Variants in CLHC1 observed in about 807,000 individuals in gnomAD.
The protein encoded by CLHC1 is clathrin heavy chain linker domain containing 1.
In CLHC1, 72 loss-of-function variants were observed where a neutral mutation model predicts 69.5. That is an observed-to-expected ratio of 1.04 (90% confidence interval 0.86 to 1.26). CLHC1 has a LOEUF of 1.26. Ranked by LOEUF, CLHC1 falls within the 50% of genes most tolerant of loss-of-function variation. The pLI, the probability that CLHC1 is intolerant of heterozygous loss-of-function variation, is 0.00. For missense variants in CLHC1, 790 were observed against 679.3 expected (o/e 1.16, Z -1.81); for synonymous variants, 223 against 224.3 (o/e 0.99, Z 0.05).
chr2:55,231,208 C>T (rs1244397066), intron 1 of CLHC1, among the ~76,000 whole-genome samples: 1 of 151,426 alleles, frequency 6.6e-6, no homozygotes, highest in African/African-American at 2.4e-5. Context: ...CGAGACCGCG[C>T]CACTGCACTC....
At chr2:55,231,392 T>C (rs1225284068) in intron 1 of CLHC1, among the ~76,000 whole-genome samples, 2 of 152,156 alleles carry the variant, frequency 1.3e-5, no homozygotes, top group African/African-American at 4.8e-5. Flanking sequence ...GATTAGGTTG[T>C]AAGGAAGGCA....
At chr2:55,228,867 A>T (rs1442432036) in intron 1 of CLHC1, among the ~76,000 whole-genome samples, 1 of 152,326 alleles carries the variant, frequency 6.6e-6, no homozygotes, top group Non-Finnish European at 1.5e-5. Flanking sequence ...GAAAAAAAAT[A>T]GTCCAGGCAC....
intron 9 of CLHC1, among the ~76,000 whole-genome samples, chr2:55,185,179 C>G (rs1670310035): frequency 6.6e-6 from 1 of 151,952 alleles, no homozygotes; most frequent in Non-Finnish European, 1.5e-5. Context: ...AGACGCAGAG[C>G]CTTAAAAGTT....
intron 4 of CLHC1, among the ~76,000 whole-genome samples, chr2:55,213,029 G>A (rs1163358698): frequency 1.3e-5 from 2 of 152,146 alleles, no homozygotes; most frequent in African/African-American, 4.8e-5. Flanking sequence ...AATTCGTTAA[G>A]TGCTAATCAC....
intron 5 of CLHC1, among the ~76,000 whole-genome samples, chr2:55,211,734 A>G (rs1418667175): frequency 6.6e-6 from 1 of 152,078 alleles, no homozygotes; most frequent in Non-Finnish European, 1.5e-5. Context: ...ATCTTTTCTC[A>G]AAGTCTTTCT....
At chr2:55,194,289 A>G (rs1671194279) in intron 9 of CLHC1, among the ~76,000 whole-genome samples, 2 of 152,314 alleles carry the variant, frequency 1.3e-5, no homozygotes, top group Middle Eastern at 3.4e-3. Context: ...ACTAATAGAA[A>G]AGAACAAAAC....
intron 5 of CLHC1, 125 bp from the exon 6 acceptor site, chr2:55,209,956 A>C: frequency 1.6e-6 from 1 of 610,838 alleles, no homozygotes. Context: ...GTATGTACTT[A>C]TAGCTTACTG....
intron 9 of CLHC1, among the ~76,000 whole-genome samples, chr2:55,194,108 TTGGAGAGGAAGAAGAGG>T (rs1671177513): frequency 1.1e-4 from 17 of 152,112 alleles, no homozygotes; most frequent in African/African-American, 3.9e-4. Context: ...TGCCTGCAGT[TTGGAGAGGAAGAAGAGG>T]CCAGGGAATG....
At chr2:55,227,674 T>A (rs1674841496) in intron 2 of CLHC1, among the ~76,000 whole-genome samples, 2 of 24,980 alleles carry the variant, frequency 8.0e-5, no homozygotes, top group Non-Finnish European at 1.7e-4. Flanking sequence ...CAAGACTCCA[T>A]CTCAAAAAAA....
chr2:55,212,449 C>T (rs899607170), intron 5 of CLHC1, among the ~76,000 whole-genome samples: 5 of 152,144 alleles, frequency 3.3e-5, no homozygotes, highest in Middle Eastern at 3.2e-3. Context: ...CTTCAGGAGC[C>T]ACTGCATTAC....
Position 55,186,323 on chromosome 2 carries a change from G to T in CLHC1, c.1007-4579C>A, listed in dbSNP as rs563336679. Among the ~76,000 whole-genome samples the T allele has an allele frequency of 2.5e-3, 376 of 152,184 alleles. 1 individual carries two copies. Among genetic ancestry groups the T allele is most frequent in the African/African-American group, 8.7e-3 (363 of 41,504 alleles). ...GCTCACAATATTATCAATGTAAAAA[G>T]CTTACAATATTATAAATAAAAATTA... On this transcript the variant is annotated intron_variant, in intron 9 of 12. Coordinates refer to ENST00000401408, the MANE Select transcript of CLHC1 (RefSeq NM_152385.4).
chr2:55,179,981 T>C (rs1325393088), intron 11 of CLHC1, among the ~76,000 whole-genome samples: 1 of 151,982 alleles, frequency 6.6e-6, no homozygotes, highest in East Asian at 1.9e-4. Context: ...GGTGAAACCC[T>C]GTCTCTACCA....
At chr2:55,185,038 T>C (rs919896418) in intron 9 of CLHC1, among the ~76,000 whole-genome samples, 3 of 150,706 alleles carry the variant, frequency 2.0e-5, no homozygotes, top group Admixed American at 6.6e-5. Flanking sequence ...GACGGTAGAC[T>C]GAACACACAC....
intron 3 of CLHC1, among the ~76,000 whole-genome samples, chr2:55,220,285 T>C (rs1673987070): frequency 6.6e-6 from 1 of 152,194 alleles, no homozygotes; most frequent in Non-Finnish European, 1.5e-5. Flanking sequence ...GCCCAACTAG[T>C]TCCTTTTAAG....
chr2:55,222,780 G>C (rs1020870269), intron 2 of CLHC1, among the ~76,000 whole-genome samples: 1 of 152,044 alleles, frequency 6.6e-6, no homozygotes, highest in African/African-American at 2.4e-5. Flanking sequence ...AATTAGCCAG[G>C]CGTGGTGGCG....
At position 55,176,001 on chromosome 2, in the gene CLHC1, T is replaced by A; in HGVS notation, c.1565-15A>T. The A allele has an allele frequency of 1.3e-6, 2 of 1,589,302 alleles. No individual in the cohort carries two copies. The highest frequency in any genetic ancestry group is 1.7e-6 in the Non-Finnish European group (2 of 1,158,450). On this transcript the variant is annotated splice_polypyrimidine_tract_variant and intron_variant, in intron 12 of 12. Transcript: ENST00000401408. ...TTCTACTGCATCTGTGGGGAAAAAA[T>A]ACAATATTATAGTATGGCACTTATT...
chr2:55,210,054 T>C (rs369597668), intron 5 of CLHC1, among the ~76,000 whole-genome samples: 7 of 152,304 alleles, frequency 4.6e-5, no homozygotes, highest in African/African-American at 7.2e-5. Flanking sequence ...AGACAGGGTC[T>C]TGTTATGTTG....
At chr2:55,224,734 G>A in intron 2 of CLHC1, 1 of 307,670 alleles carries the variant, frequency 3.3e-6, no homozygotes, top group Non-Finnish European at 6.8e-6. Flanking sequence ...AAGAGATTCT[G>A]CCTCCCTTGT....
chr2:55,230,141 A>C (rs1485575474), intron 1 of CLHC1, among the ~76,000 whole-genome samples: 1 of 152,248 alleles, frequency 6.6e-6, no homozygotes. Context: ...CAAGGGTCAA[A>C]GCTGGAAGTG....
Sources: allele counts gnomAD v4.1 joint callset (sites outside exome capture counted in the v4.1 genomes callset), GRCh38; gene constraint gnomAD v4.1.1; transcripts MANE v1.5; gene names NCBI Gene and HGNC (gene_info 2026-07-23, HGNC 2026-07-21).